PTCD3: variants seen among roughly 807,000 people sequenced by gnomAD.
PTCD3 encodes small ribosomal subunit protein mS39.
Under a neutral mutation model 101.9 loss-of-function variants are expected in PTCD3, and 89 were observed. The ratio of observed to expected loss-of-function variants is 0.87; its 90% CI spans 0.74 to 1.04. The LOEUF is 1.04. Ranked by LOEUF, PTCD3 falls within the 50% of genes least tolerant of loss-of-function variation. The pLI is 0.00. For missense variants in PTCD3, 870 were observed against 828.2 expected (o/e 1.05, Z -0.62); for synonymous variants, 296 against 278.5 (o/e 1.06, Z -0.63).
At chr2:86,124,941 G>C in intron 9 of PTCD3, 54 bp from the exon 10 acceptor site, 1 of 1,599,048 alleles carries the variant, frequency 6.3e-7, no homozygotes, top group African/African-American at 1.3e-5. Flanking sequence ...AATGGTGGTA[G>C]CTCTCATTGG....
intron 3 of PTCD3, 63 bp from the exon 4 acceptor site, chr2:86,111,050 A>G (rs976250379): frequency 7.0e-7 from 1 of 1,430,060 alleles, no homozygotes; most frequent in Non-Finnish European, 9.9e-7. Context: ...GAGTAGAATC[A>G]CTTGTTCGGT....
intron 6 of PTCD3, among the ~76,000 whole-genome samples, chr2:86,118,377 A>T (rs764137525): frequency 6.6e-6 from 1 of 152,198 alleles, no homozygotes; most frequent in Non-Finnish European, 1.5e-5. Context: ...TACTAATCTC[A>T]GACTCATCAT....
rs2104466491 is a variant in PTCD3, at chr2:86,140,476, G to A, written c.*2917G>A. 1 of 152,198 alleles carries A rather than the reference G, an allele frequency of 6.6e-6. No homozygotes were observed. The highest frequency in any genetic ancestry group is 1.9e-4 in the East Asian group (1 of 5,188). The allele number at this position is 152,198 out of a possible 1,614,324, so 9.4% of individuals were successfully genotyped here. On this transcript the variant is annotated 3_prime_UTR_variant, in exon 24 of 24. Coordinates refer to ENST00000254630, the MANE Select transcript of PTCD3 (RefSeq NM_017952.6). ...TTTTGTGATGGTGCATTTTTGCATTGCAGTATAGATCTGTGCATAGATATA... is the reference window on the plus strand; with the variant it reads ...TTTTGTGATGGTGCATTTTTGCATTACAGTATAGATCTGTGCATAGATATA...
In PTCD3 at chr2:86,141,704, T is replaced by G. The variant is rs182506398; in HGVS notation, c.*4145T>G. On this transcript the variant is annotated 3_prime_UTR_variant, in exon 24 of 24. Coordinates refer to ENST00000254630, the MANE Select transcript of PTCD3 (RefSeq NM_017952.6). ...GGGAGGCAATAAAGTAATTTCAGAG[T>G]AAAACAGATTGAGGATGAAACCAAG... is the stretch of plus-strand genomic sequence containing the variant. The G allele has an allele frequency of 1.3e-5, 2 of 152,070 alleles. No individual in the cohort carries two copies. Among genetic ancestry groups the G allele is most frequent in the African/African-American group, 4.8e-5 (2 of 41,344 alleles). The allele number at this position is 152,070 out of a possible 1,614,324, so 9.4% of individuals were successfully genotyped here. A position where few individuals can be genotyped will look rare whatever the true frequency, so the allele number is the denominator to read the frequency against.
intron 5 of PTCD3, 46 bp downstream of exon 5, chr2:86,116,644 G>A: frequency 7.3e-7 from 1 of 1,372,146 alleles, no homozygotes; most frequent in Non-Finnish European, 1.0e-6. Context: ...TCTCTGGTTT[G>A]CGTACAACAG....
At chr2:86,134,626 A>G (rs985704673) in intron 20 of PTCD3, among the ~76,000 whole-genome samples, 4 of 152,204 alleles carry the variant, frequency 2.6e-5, no homozygotes, top group Non-Finnish European at 4.4e-5. Flanking sequence ...ATCTCCATCT[A>G]CAAAGGAAAT....
Position 86,140,449 on chromosome 2 carries a change from A to C in PTCD3, c.*2890A>C, listed in dbSNP as rs188694830. The C allele has an allele frequency of 1.3e-5, 2 of 152,314 alleles. No individual in the cohort carries two copies. The highest frequency in any genetic ancestry group is 3.9e-4 in the East Asian group (2 of 5,192). The allele number at this position is 152,314 out of a possible 1,614,324, so 9.4% of individuals were successfully genotyped here. A position where few individuals can be genotyped will look rare whatever the true frequency, so the allele number is the denominator to read the frequency against. ...TAGAACATCTAAGCACGTCACCTACAGTTTTGTGATGGTGCATTTTTGCAT... is the reference window on the plus strand; with the variant it reads ...TAGAACATCTAAGCACGTCACCTACCGTTTTGTGATGGTGCATTTTTGCAT... On this transcript the variant is annotated 3_prime_UTR_variant, in exon 24 of 24. Transcript: ENST00000254630.
chr2:86,123,872 T>A, intron 9 of PTCD3, 110 bp downstream of exon 9: 1 of 742,832 alleles, frequency 1.3e-6, no homozygotes, highest in Non-Finnish European at 2.0e-6. Flanking sequence ...TAATTGATTT[T>A]TATTGTGCAA....
Position 86,118,975 on chromosome 2 carries a change from C to G in PTCD3, c.469C>G (p.Leu157Val), listed in dbSNP as rs750854104. 8 of 1,613,902 alleles carry G rather than the reference C, an allele frequency of 5.0e-6. No homozygotes were observed. In the South Asian group the frequency reaches 5.5e-5, roughly 11 times the overall value. ...GATCAAAGACATAAGTGAAGCCGCCCTGAAGGAACGAATTGAGCTCAGAAA... is the reference window on the plus strand; with the variant it reads ...GATCAAAGACATAAGTGAAGCCGCCGTGAAGGAACGAATTGAGCTCAGAAA... ...PQIKDISEAA[L>V]KERIELRKVK... The change falls in exon 7 of 24, where the codon CTG becomes GTG. Residue 157 changes from leucine to valine, a missense_variant. Physicochemically the swap from Leu to Val is conservative, Grantham distance 32. Coordinates refer to ENST00000254630, the MANE Select transcript of PTCD3 (RefSeq NM_017952.6).
intron 7 of PTCD3, among the ~76,000 whole-genome samples, chr2:86,120,390 ATACT>A (rs1674260114): frequency 6.6e-6 from 1 of 152,178 alleles, no homozygotes; most frequent in African/African-American, 2.4e-5. Context: ...GCCATTTCAC[ATACT>A]TAATTCTACA....
chr2:86,115,716 T>C (rs1207963506), intron 4 of PTCD3, among the ~76,000 whole-genome samples: 3 of 152,146 alleles, frequency 2.0e-5, no homozygotes, highest in Non-Finnish European at 4.4e-5. Flanking sequence ...AAGAAAGCAA[T>C]TCTGGGGCAT....
intron 20 of PTCD3, 26 bp downstream of exon 20, chr2:86,134,403 A>G (rs1414791963): frequency 1.3e-6 from 2 of 1,553,564 alleles, no homozygotes; most frequent in Admixed American, 3.3e-5. Flanking sequence ...ACCAGCCAGT[A>G]TATCCTCCCA....
chr2:86,122,293 T>C (rs894277521), intron 8 of PTCD3, among the ~76,000 whole-genome samples: 1 of 152,240 alleles, frequency 6.6e-6, no homozygotes, highest in Non-Finnish European at 1.5e-5. Flanking sequence ...TCCATTTTTG[T>C]AAAAATGTTT....
chr2:86,118,974 C>T lies in PTCD3; in HGVS notation c.468C>T (p.Ala156=). 1.2e-6 allele frequency: 2 copies of T among 1,613,920 alleles called. No homozygotes were observed. Among genetic ancestry groups the T allele is most frequent in the Non-Finnish European group, 1.7e-6 (2 of 1,179,938 alleles). The change falls in exon 7 of 24, where the codon GCC becomes GCT. Residue 156 remains alanine, a synonymous_variant. Transcript: ENST00000254630. ...AGATCAAAGACATAAGTGAAGCCGC[C>T]CTGAAGGAACGAATTGAGCTCAGAA... ...EPQIKDISEA[A]LKERIELRKV...
At position 86,133,359 on chromosome 2, in the gene PTCD3, A is replaced by G. The variant is rs1427700785; in HGVS notation, c.1466A>G (p.His489Arg). The G allele has an allele frequency of 6.2e-7, 1 of 1,613,944 alleles. No individual in the cohort carries two copies. The highest frequency in any genetic ancestry group is 1.1e-5 in the South Asian group (1 of 91,066). ...TCTCTTAATCAGGCCTACTTTCCCC[A>G]CTCCCAAACAATGATACATCTTCTC... ...EDLIPSAYFP[H>R]SQTMIHLLQA... The change falls in exon 19 of 24, where the codon CAC (histidine) becomes CGC (arginine). Residue 489 changes from histidine to arginine, a missense_variant. Transcript: ENST00000254630.
intron 9 of PTCD3, 104 bp from the exon 10 acceptor site, chr2:86,124,891 G>A (rs961471845): frequency 6.2e-6 from 9 of 1,445,646 alleles, no homozygotes; most frequent in Admixed American, 2.5e-5. Flanking sequence ...TGTATAGAAA[G>A]TACTTGGCAC....
At chr2:86,130,313 T>A (rs979760150) in intron 14 of PTCD3, among the ~76,000 whole-genome samples, 14 of 151,696 alleles carry the variant, frequency 9.2e-5, no homozygotes, top group East Asian at 1.9e-4. Context: ...AAAAAAAAAA[T>A]TTTGTTTTTC....
At chr2:86,109,271 T>TG (rs1206163578) in intron 3 of PTCD3, among the ~76,000 whole-genome samples, 3 of 151,854 alleles carry the variant, frequency 2.0e-5, no homozygotes, top group East Asian at 1.9e-4. Flanking sequence ...CCGGATGTGG[T>TG]GGGGGGTCGC....
At position 86,137,154 on chromosome 2, in the gene PTCD3, A is replaced by G. The variant is rs900296970; in HGVS notation, c.1979+14A>G. 2.6e-6 allele frequency: 4 copies of G among 1,562,516 alleles called. No homozygotes were observed. Among genetic ancestry groups the G allele is most frequent in the Non-Finnish European group, 2.6e-6 (3 of 1,155,604 alleles). The stretch of plus-strand genomic sequence containing the variant: ...CCAGGAACAAAAGTAAGTGGTCACC[A>G]TGAAGCATAGTTTGTAAAATGGAGA... On this transcript the variant is annotated intron_variant, in intron 23 of 23. Coordinates refer to ENST00000254630, the MANE Select transcript of PTCD3 (RefSeq NM_017952.6).
Sources: gnomAD v4.1 joint callset for allele counts (sites outside exome capture counted in the v4.1 genomes callset) on GRCh38, gnomAD v4.1.1 for gene constraint, MANE v1.5 for transcripts, NCBI Gene and HGNC (gene_info 2026-07-23, HGNC 2026-07-21) for gene names.